The following DST variants were observed in gnomAD, a reference collection of about 807,000 sequenced individuals.
DST encodes the protein dystonin, also known as bullous pemphigoid antigen.
In DST, 253 loss-of-function variants were observed where a neutral mutation model predicts 875.2. The ratio of observed to expected loss-of-function variants is 0.29; its 90% CI spans 0.26 to 0.32. DST has a LOEUF of 0.32. Among genes scored for constraint, DST ranks in the 10% least tolerant of loss-of-function variants. The probability of loss-of-function intolerance (pLI) is 1.00; values close to 1 mark genes in which losing one functional copy is unlikely to be tolerated. For synonymous variants in DST, 3,124 were observed against 3,197.1 expected, an observed-to-expected ratio of 0.98 and a Z score of 0.77; for missense variants, 8,287 against 9,111.6, an observed-to-expected ratio of 0.91 and a Z score of 3.68.
intron 16 of DST, 118 bp downstream of exon 16, chr6:56,642,292 T>TA: frequency 1.1e-6 from 1 of 899,526 alleles, no homozygotes; most frequent in South Asian, 1.4e-5. Context: ...TAACAAACTT[T>TA]AAGTTTCAGT....
chr6:56,889,320 C>A (rs1181404028), intron 3 of DST, among the ~76,000 whole-genome samples: 1 of 152,162 alleles, frequency 6.6e-6, no homozygotes, highest in African/African-American at 2.4e-5. Context: ...ATCCTCAATC[C>A]AAACCTGCTT....
At chr6:56,565,468 C>G (rs891746120) in intron 55 of DST, among the ~76,000 whole-genome samples, 1 of 152,150 alleles carries the variant, frequency 6.6e-6, no homozygotes, top group African/African-American at 2.4e-5. Flanking sequence ...AGGAATGATA[C>G]CAGCTCCTCT....
chr6:56,617,759 A>T (rs1311983730), intron 36 of DST, among the ~76,000 whole-genome samples: 1 of 152,236 alleles, frequency 6.6e-6, no homozygotes, highest in Admixed American at 6.5e-5. Context: ...ATAACAGTAT[A>T]TCTATTACAT....
chr6:56,765,908 T>C (rs1418143664), intron 4 of DST, among the ~76,000 whole-genome samples: 2 of 152,216 alleles, frequency 1.3e-5, no homozygotes, highest in South Asian at 2.1e-4. Flanking sequence ...CTAAGTAACA[T>C]TTCCTCTAAG....
chr6:56,872,725 G>C (rs1777785479), intron 3 of DST, among the ~76,000 whole-genome samples: 3 of 151,828 alleles, frequency 2.0e-5, no homozygotes, highest in Non-Finnish European at 4.4e-5. Flanking sequence ...CTTTTGTTTT[G>C]AGTGGGGGTG....
chr6:56,571,534 A>T (rs1478914135), intron 53 of DST, among the ~76,000 whole-genome samples: 1 of 152,216 alleles, frequency 6.6e-6, no homozygotes, highest in African/African-American at 2.4e-5. Flanking sequence ...ATTCTAAACT[A>T]ACGTGAGATC....
At chr6:56,514,056 C>T (rs552668573) in intron 72 of DST, among the ~76,000 whole-genome samples, 3 of 152,218 alleles carry the variant, frequency 2.0e-5, no homozygotes, top group Admixed American at 6.5e-5. Flanking sequence ...AAGTTTTGTA[C>T]CTCCCTTTAT....
chr6:56,807,661 G>A (rs2099754769), intron 4 of DST, among the ~76,000 whole-genome samples: 1 of 152,102 alleles, frequency 6.6e-6, no homozygotes, highest in Non-Finnish European at 1.5e-5. Context: ...TCAACAAATA[G>A]TGCTGGAAAA....
In DST at chr6:56,609,085, G is replaced by T; in HGVS notation, c.5543C>A (p.Ala1848Glu). 6.2e-7 allele frequency: 1 copy of T among 1,613,776 alleles called. No homozygotes were observed. Among genetic ancestry groups the T allele is most frequent in the Non-Finnish European group, 8.5e-7 (1 of 1,179,766 alleles). The change falls in exon 40 of 104, where the codon GCG (alanine) becomes GAG (glutamate). Residue 1848 changes from alanine to glutamate, a missense_variant. Physicochemically the swap from Ala to Glu is moderately radical, Grantham distance 107. This residue lies in a region of DST where 3,138 missense variants were observed against 3,116.6 expected (regional missense o/e 1.01). Transcript: ENST00000680361. ...LSKAKEIISA[A>E]SPTTIPVLDA... ...CAGTACTGGAATTGTGGTAGGTGAC[G>T]CAGCAGAAATAATCTCCTTAGCTTT...
In DST at chr6:56,607,725, A is replaced by G; in HGVS notation, c.6903T>C (p.Asp2301=). 1 of 1,613,494 alleles carries G rather than the reference A, an allele frequency of 6.2e-7. No homozygotes were observed. Among genetic ancestry groups the G allele is most frequent in the South Asian group, 1.1e-5 (1 of 91,074 alleles). The stretch of plus-strand genomic sequence containing the variant: ...TATTTCTCATTTCATTAAATTCTTC[A>G]TCTATAGCACACTTTCTATTTTCAG... The part of the protein sequence containing the change: ...ETPENRKCAI[D]EEFNEMRNTV... Residue 2301 remains aspartate, a synonymous_variant, in exon 40 of 104, where the codon GAT becomes GAC. Coordinates refer to ENST00000680361, the MANE Select transcript of DST (RefSeq NM_001374736.1).
intron 41 of DST, 27 bp from the exon 42 acceptor site, chr6:56,603,447 T>C (rs2098464201): frequency 6.2e-7 from 1 of 1,601,654 alleles, no homozygotes; most frequent in Non-Finnish European, 8.5e-7. Context: ...CCCGGACCTA[T>C]TTACTATTTA....
chr6:56,584,226 C>T (rs1357961220), intron 49 of DST, among the ~76,000 whole-genome samples: 3 of 151,872 alleles, frequency 2.0e-5, no homozygotes, highest in Admixed American at 2.0e-4. Flanking sequence ...TACCCATGAG[C>T]ATGGAATGTT....
intron 8 of DST, 68 bp downstream of exon 8, chr6:56,701,820 A>G: frequency 1.0e-6 from 1 of 973,640 alleles, no homozygotes; most frequent in Non-Finnish European, 1.6e-6. Flanking sequence ...TCATTCCTTG[A>G]CATGTTTCTA....
In DST at chr6:56,843,564, G is replaced by A. The variant is rs2099803150; in HGVS notation, c.625+7833C>T. The A allele has an allele frequency of 4.1e-6, 4 of 983,888 alleles. No homozygotes were observed. The South Asian group carries it at 1.9e-4, about 46-fold the overall frequency. 60.9% of individuals were successfully genotyped at this position (983,888 alleles called of 1,614,324 possible). ...TCTGCTGGCCCTGCACGAGGCGCGT[G>A]CTTCGGGCCGGGCCGAGGCCGCGGC... On this transcript the variant is annotated intron_variant, in intron 4 of 103. Transcript: ENST00000680361.
chr6:56,836,638 C>G (rs979032092), intron 4 of DST, among the ~76,000 whole-genome samples: 5 of 151,716 alleles, frequency 3.3e-5, no homozygotes, highest in African/African-American at 1.2e-4. Flanking sequence ...ATCACGAGGT[C>G]AGGAGATCGA....
chr6:56,881,779 T>TAA (rs556365701), intron 3 of DST, among the ~76,000 whole-genome samples: 5 of 147,678 alleles, frequency 3.4e-5, no homozygotes, highest in African/African-American at 9.9e-5. Context: ...TCTTTATTGG[T>TAA]AAAAAAAAAA....
In DST at chr6:56,611,485, A is replaced by G. The variant is rs1269100474; in HGVS notation, c.5147+23T>C. On this transcript the variant is annotated intron_variant, in intron 38 of 103. Transcript: ENST00000680361. ...AGAATACTTCCCCACTTAAAATAAA[A>G]GAGCTAACTACAACCAACATACTTG... 1.4e-5 allele frequency: 22 copies of G among 1,543,322 alleles called. 1 individual carries two copies. The South Asian group carries it at 2.2e-4, about 15-fold the overall frequency.
intron 71 of DST, among the ~76,000 whole-genome samples, chr6:56,516,073 T>A (rs1395100306): frequency 6.6e-6 from 1 of 151,604 alleles, no homozygotes; most frequent in South Asian, 2.1e-4. Flanking sequence ...CACACACATA[T>A]ATATGTGTAT....
At chr6:56,615,001 A>C (rs1342747242) in intron 36 of DST, 1 of 995,086 alleles carries the variant, frequency 1.0e-6, no homozygotes, top group African/African-American at 1.7e-5. Flanking sequence ...TAAACATTTT[A>C]ATATGCAAAG....
Sources: gnomAD v4.1 joint callset for allele counts (sites outside exome capture counted in the v4.1 genomes callset) on GRCh38, gnomAD v4.1.1 for gene constraint, gnomAD v4.1.1 regional missense constraint, MANE v1.5 for transcripts, NCBI Gene and HGNC (gene_info 2026-07-23, HGNC 2026-07-21) for gene names.